Variants in DTWD2 observed in about 807,000 individuals in gnomAD.
The protein encoded by DTWD2 is DTW motif tRNA-uridine aminocarboxypropyltransferase 2, also known as tRNA-uridine aminocarboxypropyltransferase 2.
A neutral mutation model predicts 31.8 loss-of-function variants in DTWD2; 39 were observed. The ratio of observed to expected loss-of-function variants is 1.22; its 90% confidence interval spans 0.95 to 1.60. The LOEUF (loss-of-function observed/expected upper bound fraction) is 1.60. DTWD2 is among the 40% of genes most tolerant of loss of function. The pLI is 0.00. For synonymous variants in DTWD2, 180 were observed against 142.8 expected (o/e 1.26, Z -1.86); for missense variants, 515 against 381.5 (o/e 1.35, Z -2.92).
At chr5:118,909,173 C>G (rs1753402929) in intron 4 of DTWD2, among the ~76,000 whole-genome samples, 1 of 152,196 alleles carries the variant, frequency 6.6e-6, no homozygotes, top group Non-Finnish European at 1.5e-5. Context: ...CACCTGGAAA[C>G]AGCTAGGAAC....
chr5:118,840,819 T>C lies in DTWD2; in HGVS notation c.*98A>G, dbSNP rs1751694296. 5.3e-6 allele frequency: 7 copies of C among 1,315,662 alleles called. No homozygotes were observed. Among genetic ancestry groups the C allele is most frequent in the Admixed American group, 2.9e-5 (1 of 34,302 alleles). The allele number at this position is 1,315,662 out of a possible 1,614,324, so 81.5% of individuals were successfully genotyped here. ...TAAGATTAGTATGCAATTCTCCTTCTTTAGCAAGTCAAAAACCTACAGACC... is the reference window on the plus strand; with the variant it reads ...TAAGATTAGTATGCAATTCTCCTTCCTTAGCAAGTCAAAAACCTACAGACC... On this transcript the variant is annotated 3_prime_UTR_variant, in exon 6 of 6. Coordinates refer to ENST00000510708, the MANE Select transcript of DTWD2 (RefSeq NM_173666.4).
chr5:118,894,366 A>G (rs1261965193), intron 4 of DTWD2, among the ~76,000 whole-genome samples: 1 of 152,204 alleles, frequency 6.6e-6, no homozygotes, highest in African/African-American at 2.4e-5. Flanking sequence ...ATACACAGAA[A>G]TGCGGAATAA....
intron 1 of DTWD2, among the ~76,000 whole-genome samples, chr5:118,947,202 T>G (rs1580429141): frequency 6.6e-6 from 1 of 152,056 alleles, no homozygotes; most frequent in South Asian, 2.1e-4. Flanking sequence ...AGTGTCTAGG[T>G]GAGTACTCGT....
intron 4 of DTWD2, among the ~76,000 whole-genome samples, chr5:118,869,212 T>C (rs1294369565): frequency 6.6e-6 from 1 of 152,138 alleles, no homozygotes; most frequent in Non-Finnish European, 1.5e-5. Context: ...GTAAATTTTA[T>C]ATGTGTATTT....
In DTWD2 at chr5:118,944,549, A is replaced by T; in HGVS notation, c.309+10T>A. On this transcript the variant is annotated intron_variant, in intron 2 of 5. Transcript: ENST00000510708. ...TTCTATTTGAAATCCTGTATTTTAC[A>T]AAATCTTACCTCTGCTGGATGCTGA... is the stretch of plus-strand genomic sequence containing the variant. The T allele has an allele frequency of 6.2e-7, 1 of 1,612,096 alleles. No individual in the cohort carries two copies. Among genetic ancestry groups the T allele is most frequent in the Non-Finnish European group, 8.5e-7 (1 of 1,179,056 alleles).
At chr5:118,971,173 C>G (rs971373865) in intron 1 of DTWD2, among the ~76,000 whole-genome samples, 1 of 152,120 alleles carries the variant, frequency 6.6e-6, no homozygotes, top group African/African-American at 2.4e-5. Flanking sequence ...AATGCCCTAA[C>G]TAAAAGACAC....
At position 118,848,088 on chromosome 5, in the gene DTWD2, A is replaced by G. The variant is rs948080595; in HGVS notation, c.726+2T>C. ...AAAAACTATAACCTTACAAAGACGT[A>G]CCTCTTGTATGTAATTATTTTTCTC... On this transcript the variant is annotated splice_donor_variant, in intron 5 of 5. Coordinates refer to ENST00000510708, the MANE Select transcript of DTWD2 (RefSeq NM_173666.4). LOFTEE classifies it high-confidence loss of function. 6.4e-7 allele frequency: 1 copy of G among 1,556,084 alleles called. No homozygotes were observed. Among genetic ancestry groups the G allele is most frequent in the Non-Finnish European group, 8.6e-7 (1 of 1,157,316 alleles).
At chr5:118,877,677 G>A (rs1047496333) in intron 4 of DTWD2, among the ~76,000 whole-genome samples, 15 of 151,926 alleles carry the variant, frequency 9.9e-5, no homozygotes, top group African/African-American at 2.4e-4. Context: ...AGTATTTGAC[G>A]TCCAGGCCAG....
intron 4 of DTWD2, among the ~76,000 whole-genome samples, chr5:118,850,052 A>T (rs1013980229): frequency 1.3e-4 from 20 of 152,056 alleles, no homozygotes; most frequent in Non-Finnish European, 1.0e-4. Context: ...AAAATAAAAT[A>T]AAATAAAAAA....
At chr5:118,954,276 G>T (rs1413809015) in intron 1 of DTWD2, among the ~76,000 whole-genome samples, 1 of 151,994 alleles carries the variant, frequency 6.6e-6, no homozygotes. Flanking sequence ...CCCTAGCAAT[G>T]AATCAATCAA....
chr5:118,968,865 A>C (rs1204046063), intron 1 of DTWD2, among the ~76,000 whole-genome samples: 1 of 152,182 alleles, frequency 6.6e-6, no homozygotes, highest in Non-Finnish European at 1.5e-5. Flanking sequence ...TCACATGTTA[A>C]CACCCACTGG....
intron 3 of DTWD2, 128 bp from the exon 4 acceptor site, chr5:118,928,857 G>T: frequency 1.3e-6 from 1 of 744,332 alleles, no homozygotes; most frequent in Non-Finnish European, 2.0e-6. Context: ...ATAAGTATTA[G>T]TTTATAAAGT....
At chr5:118,889,198 C>T (rs1448055776) in intron 4 of DTWD2, among the ~76,000 whole-genome samples, 1 of 152,126 alleles carries the variant, frequency 6.6e-6, no homozygotes, top group Non-Finnish European at 1.5e-5. Flanking sequence ...AGGGCCCTGA[C>T]CTGGTCCTTC....
chr5:118,865,890 CCT>C (rs1002248349), intron 4 of DTWD2, among the ~76,000 whole-genome samples: 1 of 152,146 alleles, frequency 6.6e-6, no homozygotes, highest in African/African-American at 2.4e-5. Flanking sequence ...AACGACCTTA[CCT>C]CTCTTGTAGA....
chr5:118,975,303 C>T (rs541189243), intron 1 of DTWD2, among the ~76,000 whole-genome samples: 7 of 152,010 alleles, frequency 4.6e-5, no homozygotes, highest in South Asian at 2.1e-4. Context: ...TCCTTTCTTC[C>T]GCTTGATCGA....
intron 1 of DTWD2, among the ~76,000 whole-genome samples, chr5:118,960,467 A>G (rs147310742): frequency 6.6e-6 from 1 of 152,354 alleles, no homozygotes; most frequent in East Asian, 1.9e-4. Flanking sequence ...GAATGCTTAT[A>G]TACTGCTGGT....
At chr5:118,950,963 C>T (rs2149588792) in intron 1 of DTWD2, among the ~76,000 whole-genome samples, 1 of 152,156 alleles carries the variant, frequency 6.6e-6, no homozygotes, top group East Asian at 1.9e-4. Context: ...AATAAGACGG[C>T]CTTCTGGCCT....
chr5:118,869,742 C>A (rs114923156), intron 4 of DTWD2, among the ~76,000 whole-genome samples: 3,340 of 152,214 alleles, frequency 0.022, 121 homozygotes, highest in African/African-American at 0.076. Flanking sequence ...CTTATAGTTT[C>A]TATACAATTT....
chr5:118,981,059 G>A (rs556667765), intron 1 of DTWD2, among the ~76,000 whole-genome samples: 1 of 152,240 alleles, frequency 6.6e-6, no homozygotes, highest in South Asian at 2.1e-4. Context: ...CAACATGGAT[G>A]GACCTTGAAA....
Sources: allele counts gnomAD v4.1 joint callset (sites outside exome capture counted in the v4.1 genomes callset), GRCh38; gene constraint gnomAD v4.1.1; transcripts MANE v1.5; gene names NCBI Gene and HGNC (gene_info 2026-07-23, HGNC 2026-07-21).